Variants in ADCY8 observed in about 807,000 individuals in gnomAD.
ADCY8 encodes adenylate cyclase 8, also known as adenylate cyclase type 8.
In ADCY8, 51 loss-of-function variants were observed where a neutral mutation model predicts 119.7. That is an observed-to-expected ratio of 0.43 (90% CI 0.34 to 0.54). ADCY8 has a LOEUF of 0.54. Ranked by LOEUF, ADCY8 falls within the 20% of genes least tolerant of loss-of-function variation. The probability of loss-of-function intolerance (pLI) is 0.03; values close to 1 mark genes in which losing one functional copy is unlikely to be tolerated. For missense variants in ADCY8, 1,383 were observed against 1,598.8 expected (o/e 0.87, Z 2.30); for synonymous variants, 665 against 651.0 (o/e 1.02, Z -0.33).
chr8:130,849,994 G>C (rs1817465828), intron 9 of ADCY8, among the ~76,000 whole-genome samples, 191 bp from the exon 10 acceptor site: 1 of 152,118 alleles, frequency 6.6e-6, no homozygotes, highest in Non-Finnish European at 1.5e-5. Context: ...TCTCTCTATT[G>C]AGAAACTTTG....
chr8:130,819,338 C>T (rs1816438809), intron 13 of ADCY8, among the ~76,000 whole-genome samples: 1 of 152,164 alleles, frequency 6.6e-6, no homozygotes, highest in Non-Finnish European at 1.5e-5. Context: ...CTCAGACCCT[C>T]ACTGAATACT....
chr8:130,911,440 AC>A (rs1819976645), intron 5 of ADCY8, among the ~76,000 whole-genome samples: 1 of 152,138 alleles, frequency 6.6e-6, no homozygotes, highest in Non-Finnish European at 1.5e-5. Context: ...TCTGATAGCC[AC>A]TGAAGCCTGG....
intron 17 of ADCY8, 139 bp from the exon 18 acceptor site, chr8:130,781,016 A>C: frequency 8.8e-7 from 1 of 1,139,532 alleles, no homozygotes; most frequent in Non-Finnish European, 1.3e-6. Flanking sequence ...GCCCCCAGTC[A>C]CTTATTAGAT....
intron 1 of ADCY8, among the ~76,000 whole-genome samples, chr8:131,018,420 G>A (rs1349429563): frequency 6.6e-6 from 1 of 152,042 alleles, no homozygotes; most frequent in African/African-American, 2.4e-5. Context: ...TTTTTCATAG[G>A]TTGGCCACAC....
intron 1 of ADCY8, among the ~76,000 whole-genome samples, chr8:131,033,570 AC>A (rs1429910876): frequency 1.3e-5 from 2 of 152,274 alleles, no homozygotes; most frequent in East Asian, 3.9e-4. Flanking sequence ...ATGAAGGAAA[AC>A]AAATTCATAA....
At chr8:130,796,550 G>T (rs263230) in intron 15 of ADCY8, among the ~76,000 whole-genome samples, 1 of 152,030 alleles carries the variant, frequency 6.6e-6, no homozygotes, top group Non-Finnish European at 1.5e-5. Context: ...GAACAGCAGG[G>T]GTCTGGCTGG....
In ADCY8 at chr8:130,909,847, T is replaced by C; in HGVS notation, c.1501A>G (p.Lys501Glu). Residue 501 changes from lysine (K) to glutamate (E), a missense_variant, in exon 6 of 18, where the codon AAA becomes GAA. This residue lies in a region of ADCY8 where 928 missense variants were observed against 1,163.5 expected (regional missense o/e 0.80). Transcript: ENST00000286355. ...CCAATCCTCATGTCAACATCGTGTT[T>C]TGTCCTTGACCGCACATACCTGTTG... ...KTIRYVRSRT[K>E]HDVDMRIGIH... 1 of 1,614,158 alleles carries C rather than the reference T, an allele frequency of 6.2e-7. No individual in the cohort carries two copies. The highest frequency in any genetic ancestry group is 8.5e-7 in the Non-Finnish European group (1 of 1,180,020).
At chr8:130,847,382 T>A (rs371915539) in intron 11 of ADCY8, 42 bp downstream of exon 11, 1 of 1,440,482 alleles carries the variant, frequency 6.9e-7, no homozygotes, top group East Asian at 2.3e-5. Context: ...TAGAGATATA[T>A]CTATGTCCAA....
chr8:131,022,172 G>A (rs560221125), intron 1 of ADCY8, among the ~76,000 whole-genome samples: 21 of 152,058 alleles, frequency 1.4e-4, no homozygotes, highest in African/African-American at 4.1e-4. Context: ...TTTGCACAAC[G>A]TGCAGTTTTG....
At chr8:130,795,769 T>G (rs773901691) in intron 15 of ADCY8, among the ~76,000 whole-genome samples, 8 of 151,890 alleles carry the variant, frequency 5.3e-5, no homozygotes, top group African/African-American at 9.7e-5. Flanking sequence ...CACAGGTAGG[T>G]GCTTGGCTTT....
intron 12 of ADCY8, among the ~76,000 whole-genome samples, chr8:130,834,471 G>A (rs943973619): frequency 6.6e-6 from 1 of 152,156 alleles, no homozygotes; most frequent in Non-Finnish European, 1.5e-5. Context: ...ACATTGGAGA[G>A]CAATTTGGCA....
chr8:130,882,118 GTTTTTT>G (rs35806429), intron 8 of ADCY8, among the ~76,000 whole-genome samples: 73 of 133,070 alleles, frequency 5.5e-4, no homozygotes, highest in Non-Finnish European at 9.1e-4. Context: ...CCATATTGAG[GTTTTTT>G]TTTTTTTTTT....
chr8:130,781,212 C>A (rs1320913182), intron 17 of ADCY8, among the ~76,000 whole-genome samples: 2 of 152,192 alleles, frequency 1.3e-5, no homozygotes, highest in African/African-American at 4.8e-5. Flanking sequence ...TTGTCTTAGT[C>A]TGTGAGATGA....
At chr8:130,888,218 T>TAA (rs1371400294) in intron 7 of ADCY8, among the ~76,000 whole-genome samples, 2 of 151,324 alleles carry the variant, frequency 1.3e-5, no homozygotes, top group African/African-American at 4.8e-5. Flanking sequence ...AATATATATA[T>TAA]AATAGAATAC....
rs765189498 is a variant in ADCY8, at chr8:130,874,793, C to T, written c.2110-6847G>A. 5.3e-5 allele frequency among the ~76,000 whole-genome samples: 8 copies of T among 152,142 alleles called. No homozygotes were observed. The East Asian group carries it at 5.8e-4, about 11-fold the overall frequency. ...ACCTTCCATACCACCATTCTTCCAG[C>T]TCACCCTCCCCAACATCTTTCATCC... On this transcript the variant is annotated intron_variant, in intron 8 of 17. Coordinates refer to ENST00000286355, the MANE Select transcript of ADCY8 (RefSeq NM_001115.3).
chr8:130,986,317 T>C (rs1309910678), intron 2 of ADCY8, among the ~76,000 whole-genome samples: 1 of 152,162 alleles, frequency 6.6e-6, no homozygotes, highest in Non-Finnish European at 1.5e-5. Context: ...TAGGTAGAAG[T>C]GAAGCTAGGA....
chr8:131,025,630 C>T (rs1823799841), intron 1 of ADCY8, among the ~76,000 whole-genome samples: 1 of 152,210 alleles, frequency 6.6e-6, no homozygotes, highest in African/African-American at 2.4e-5. Context: ...TACCTGCTAA[C>T]ATGAATTCTT....
At chr8:130,895,254 A>AGTTTT (rs1819346954) in intron 7 of ADCY8, among the ~76,000 whole-genome samples, 1 of 152,134 alleles carries the variant, frequency 6.6e-6, no homozygotes, top group Non-Finnish European at 1.5e-5. Context: ...CTCCCCAAAC[A>AGTTTT]ATGACTCAAT....
At chr8:130,862,408 ATTTTG>A (rs1005586081) in intron 9 of ADCY8, among the ~76,000 whole-genome samples, 1 of 151,684 alleles carries the variant, frequency 6.6e-6, no homozygotes, top group Non-Finnish European at 1.5e-5. Flanking sequence ...ATTTAGTTCA[ATTTTG>A]TTTTGTTTTG....
Sources: gnomAD v4.1 joint callset for allele counts (sites outside exome capture counted in the v4.1 genomes callset) on GRCh38, gnomAD v4.1.1 for gene constraint, gnomAD v4.1.1 regional missense constraint, MANE v1.5 for transcripts, NCBI Gene and HGNC (gene_info 2026-07-23, HGNC 2026-07-21) for gene names.